The following TPTE variants were observed in gnomAD, a reference collection of about 807,000 sequenced individuals.
The protein encoded by TPTE is transmembrane phosphatase with tensin homology.
A neutral mutation model predicts 84.1 loss-of-function variants in TPTE; 59 were observed. The observed-to-expected ratio is 0.70, with a 90% CI of 0.57 to 0.87. The LOEUF is 0.87. Among genes scored for constraint, TPTE ranks in the 40% least tolerant of loss-of-function variants. TPTE has a pLI of 0.00. For synonymous variants in TPTE, 130 were observed against 223.5 expected, an observed-to-expected ratio of 0.58 and a Z score of 3.73; for missense variants, 382 against 659.6, an observed-to-expected ratio of 0.58 and a Z score of 4.61.
At chr21:10,532,666 A>G (rs1274077896) in intron 3 of TPTE, among the ~76,000 whole-genome samples, 2 of 152,310 alleles carry the variant, frequency 1.3e-5, no homozygotes, top group Admixed American at 6.5e-5. Flanking sequence ...GCTTCATTGT[A>G]TCCTACAAAC....
intron 9 of TPTE, among the ~76,000 whole-genome samples, chr21:10,559,872 TAAAAAAAAAAAAAA>T (rs61583687): frequency 2.0e-3 from 240 of 117,106 alleles, no homozygotes; most frequent in African/African-American, 7.0e-3. Context: ...AGACTCCATG[TAAAAAAAAAAAAAA>T]AAAAAAAGAA....
intron 14 of TPTE, among the ~76,000 whole-genome samples, chr21:10,577,112 A>G (rs1269709305): frequency 6.6e-6 from 1 of 152,306 alleles, no homozygotes; most frequent in Non-Finnish European, 1.5e-5. Flanking sequence ...ATTAAATAAG[A>G]ACGAATATGA....
At chr21:10,562,769 A>G (rs10439880) in intron 10 of TPTE, among the ~76,000 whole-genome samples, 1,227 of 151,798 alleles carry the variant, frequency 8.1e-3, no homozygotes, top group Non-Finnish European at 0.013. Flanking sequence ...CAGGATCTAG[A>G]AAATAGCCTC....
At chr21:10,590,692 G>A (rs2075457336) in intron 18 of TPTE, among the ~76,000 whole-genome samples, 169 bp downstream of exon 18, 1 of 152,310 alleles carries the variant, frequency 6.6e-6, no homozygotes, top group African/African-American at 2.4e-5. Context: ...TGTTTAATGT[G>A]CACTAGTTAG....
At chr21:10,566,697 C>T (rs979900314) in intron 10 of TPTE, among the ~76,000 whole-genome samples, 1 of 152,308 alleles carries the variant, frequency 6.6e-6, no homozygotes, top group Non-Finnish European at 1.5e-5. Context: ...AAGAACCCGG[C>T]CAAGTGCACT....
At chr21:10,581,599 A>C (rs1326754187) in intron 17 of TPTE, among the ~76,000 whole-genome samples, 3 of 152,312 alleles carry the variant, frequency 2.0e-5, no homozygotes, top group Non-Finnish European at 4.4e-5. Flanking sequence ...GTGATAGTAA[A>C]AATATTTTAT....
intron 19 of TPTE, among the ~76,000 whole-genome samples, chr21:10,595,322 C>T (rs200173407): frequency 0.039 from 5,413 of 139,942 alleles, no homozygotes; most frequent in East Asian, 0.11. Context: ...GGATTACAGG[C>T]GGGAGCCACC....
intron 21 of TPTE, among the ~76,000 whole-genome samples, chr21:10,599,938 G>A (rs1315305778): frequency 1.3e-5 from 2 of 152,210 alleles, no homozygotes; most frequent in Non-Finnish European, 1.5e-5. Context: ...GCTCACTGCA[G>A]CCTCAACCTC....
At chr21:10,575,670 C>T (rs1432077049) in intron 14 of TPTE, among the ~76,000 whole-genome samples, 3 of 152,302 alleles carry the variant, frequency 2.0e-5, no homozygotes, top group African/African-American at 4.8e-5. Flanking sequence ...GAGCTGGCTG[C>T]CATCTTTGCT....
In TPTE at chr21:10,541,118, T is replaced by A; in HGVS notation, c.18T>A (p.Asp6Glu). The A allele has an allele frequency of 1.9e-6, 3 of 1,613,224 alleles. No individual in the cohort carries two copies. Among genetic ancestry groups the A allele is most frequent in the Non-Finnish European group, 2.5e-6 (3 of 1,179,240 alleles). The change falls in exon 5 of 24, where the codon GAT (aspartate) becomes GAA (glutamate). Residue 6 changes from aspartate (D) to glutamate (E), a missense_variant. Around this residue, in one of 10 missense-constraint regions of TPTE, gnomAD observed 63 missense variants for 49.5 expected, o/e 1.27. Coordinates refer to ENST00000618007, the MANE Select transcript of TPTE (RefSeq NM_199261.4). ...GACCATATTTGTCCTTTAGTCCTGA[T>A]CCGACTGACCTGGCGGGAGTCATCA... MNESPDPTDLAGVIIE... is the reference protein window; with the variant it reads MNESPEPTDLAGVIIE...
intron 10 of TPTE, among the ~76,000 whole-genome samples, chr21:10,564,873 G>T (rs1406834451): frequency 2.0e-5 from 3 of 152,308 alleles, no homozygotes; most frequent in Non-Finnish European, 2.9e-5. Context: ...AACCATATAT[G>T]ACAGACCCAC....
At chr21:10,522,164 G>C (rs469874) in intron 1 of TPTE, among the ~76,000 whole-genome samples, 133,302 of 152,194 alleles carry the variant, frequency 0.88, 57,211 homozygotes, top group Non-Finnish European at 0.96. Context: ...AGGATGACCT[G>C]AGTTCCCCGT....
Position 10,605,472 on chromosome 21 carries a change from A to C in TPTE, c.1576A>C (p.Ile526Leu), listed in dbSNP as rs535557577. ...TCTACATAAACAAAAAGCACGGAGA[A>C]TTTATCCATCAGATTTTGCCGTGGA... The part of the protein sequence containing the change: ...DNLHKQKARR[I>L]YPSDFAVEIL... The change falls in exon 24 of 24, where the codon ATT becomes CTT. Residue 526 changes from isoleucine to leucine, a missense_variant. Ile to Leu is a conservative substitution (Grantham distance 5). This residue lies in a region of TPTE where 120 missense variants were observed against 79.1 expected (regional missense o/e 1.52). Coordinates refer to ENST00000618007, the MANE Select transcript of TPTE (RefSeq NM_199261.4). The C allele has an allele frequency of 1.2e-4, 195 of 1,613,240 alleles. No individual in the cohort carries two copies. The highest frequency in any genetic ancestry group is 5.0e-4 in the South Asian group (45 of 90,814).
At chr21:10,542,258 C>T in intron 5 of TPTE, 137 bp from the exon 6 acceptor site, 1 of 1,086,084 alleles carries the variant, frequency 9.2e-7, no homozygotes, top group Non-Finnish European at 1.3e-6. Context: ...AAAGACATTC[C>T]AGGTTCCAGT....
chr21:10,523,571 A>G (rs548913946), intron 1 of TPTE, among the ~76,000 whole-genome samples: 2 of 152,278 alleles, frequency 1.3e-5, no homozygotes, highest in Non-Finnish European at 2.9e-5. Context: ...TGTTCTTGCG[A>G]TAGTTTACTG....
At chr21:10,534,674 ATGTG>A (rs1339004814) in intron 3 of TPTE, among the ~76,000 whole-genome samples, 2 of 152,308 alleles carry the variant, frequency 1.3e-5, no homozygotes, top group Non-Finnish European at 2.9e-5. Context: ...GAAAGGTGTT[ATGTG>A]TGTGTATGTT....
intron 6 of TPTE, among the ~76,000 whole-genome samples, chr21:10,542,858 C>T (rs1243834879): frequency 6.6e-6 from 1 of 152,294 alleles, no homozygotes; most frequent in Admixed American, 6.5e-5. Context: ...AGATTTGCTT[C>T]TTCCTGTAAT....
intron 3 of TPTE, among the ~76,000 whole-genome samples, chr21:10,529,251 C>G (rs1330952467): frequency 4.8e-4 from 73 of 151,878 alleles, no homozygotes; most frequent in African/African-American, 1.4e-3. Context: ...TTGAAGTTTA[C>G]TAAGCATGTG....
intron 3 of TPTE, among the ~76,000 whole-genome samples, chr21:10,536,482 G>A (rs1334617595): frequency 6.6e-6 from 1 of 152,312 alleles, no homozygotes; most frequent in Admixed American, 6.5e-5. Context: ...CCAATGAAAT[G>A]TGAATTATAA....
Sources: gnomAD v4.1 joint callset for allele counts (sites outside exome capture counted in the v4.1 genomes callset) on GRCh38, gnomAD v4.1.1 for gene constraint, gnomAD v4.1.1 regional missense constraint, MANE v1.5 for transcripts, NCBI Gene and HGNC (gene_info 2026-07-23, HGNC 2026-07-21) for gene names.